Variants in VPS26C observed in about 807,000 individuals in gnomAD.
VPS26C encodes vacuolar protein sorting-associated protein 26C.
Under a neutral mutation model 30.6 loss-of-function variants are expected in VPS26C, and 19 were observed. The ratio of observed to expected loss-of-function variants is 0.62; its 90% CI spans 0.43 to 0.91. The LOEUF is 0.91. VPS26C is among the 40% of genes least tolerant of loss of function. The pLI, the probability that VPS26C is intolerant of heterozygous loss-of-function variation, is 0.00. For synonymous variants in VPS26C, 132 were observed against 151.5 expected (o/e 0.87, Z 0.95); for missense variants, 318 against 385.1 (o/e 0.83, Z 1.46).
intron 3 of VPS26C, among the ~76,000 whole-genome samples, chr21:37,235,862 TATATATATATATA>T (rs2086015975): frequency 9.8e-6 from 1 of 101,690 alleles, no homozygotes; most frequent in African/African-American, 3.6e-5. Context: ...TATATATATA[TATATATATATATA>T]TATATTTTTT....
chr21:37,235,108 G>C (rs552877288), intron 3 of VPS26C, among the ~76,000 whole-genome samples: 2 of 152,078 alleles, frequency 1.3e-5, no homozygotes, highest in African/African-American at 4.8e-5. Flanking sequence ...CTGGGTTCAA[G>C]CAATTCTCCT....
intron 1 of VPS26C, among the ~76,000 whole-genome samples, chr21:37,243,341 G>A (rs898601489): frequency 2.0e-5 from 3 of 152,172 alleles, no homozygotes; most frequent in African/African-American, 4.8e-5. Context: ...CGTATACACC[G>A]AAATCGTGTG....
At chr21:37,230,115 C>T (rs2085946283) in intron 5 of VPS26C, among the ~76,000 whole-genome samples, 1 of 152,220 alleles carries the variant, frequency 6.6e-6, no homozygotes, top group South Asian at 2.1e-4. Context: ...GATCCTCCTG[C>T]CTTGGCCTCC....
At chr21:37,262,073 G>A (rs2086310339) in intron 1 of VPS26C, 1 of 151,876 alleles carries the variant, frequency 6.6e-6, no homozygotes, top group South Asian at 2.1e-4. Context: ...TAAAAAAAAA[G>A]AACATAATAA....
At chr21:37,231,683 G>A (rs946357677) in intron 5 of VPS26C, 2 of 152,778 alleles carry the variant, frequency 1.3e-5, no homozygotes, top group Admixed American at 6.5e-5. Flanking sequence ...CTGTTTAGGA[G>A]AAATGCATGG....
In VPS26C at chr21:37,238,469, G is replaced by T; in HGVS notation, c.342C>A (p.Val114=). ...VLYETYHGVF[V]NIQYTLRCDM... is the part of the protein sequence containing the mutation. ...ACTAGGAAGCTCTCACCTGAATGTT[G>T]ACAAACACGCCATGATACGTCTCAT... Residue 114 remains valine, a synonymous_variant, in exon 3 of 8, where the codon GTC becomes GTA. Transcript: ENST00000309117. 1 of 1,613,946 alleles carries T rather than the reference G, an allele frequency of 6.2e-7. No individual in the cohort carries two copies. The highest frequency in any genetic ancestry group is 1.1e-5 in the South Asian group (1 of 91,044).
chr21:37,228,109 G>T, intron 6 of VPS26C, 114 bp downstream of exon 6: 1 of 1,436,476 alleles, frequency 7.0e-7, no homozygotes. Flanking sequence ...GAGTAGCTGG[G>T]ATTACAGGGG....
rs559159496 is a variant in VPS26C, at chr21:37,238,023, C to A, written c.351+437G>T. ...TAGACAGGAAGTCATAATCCACTTC[C>A]CCTCATTGACAAGGTTTGTTCAGTA... On this transcript the variant is annotated intron_variant, in intron 3 of 7. Transcript: ENST00000309117. Among the ~76,000 whole-genome samples the A allele has an allele frequency of 5.9e-5, 9 of 152,306 alleles. No homozygotes were observed. In the South Asian group the frequency reaches 1.9e-3, roughly 32 times the overall value.
At chr21:37,249,291 ATACCT>A (rs2086168597) in intron 1 of VPS26C, among the ~76,000 whole-genome samples, 1 of 152,224 alleles carries the variant, frequency 6.6e-6, no homozygotes, top group African/African-American at 2.4e-5. Context: ...CAATGAGTGT[ATACCT>A]GAAGAAACCC....
intron 6 of VPS26C, 47 bp from the exon 7 acceptor site, chr21:37,227,853 CG>C (rs10716173): frequency 1 from 1,605,354 of 1,605,386 alleles, 802,661 homozygotes; most frequent in Middle Eastern, 1. Context: ...GCAGAGGCTG[CG>C]GGGTCCACAT....
chr21:37,264,871 T>C (rs1167290159), intron 1 of VPS26C, among the ~76,000 whole-genome samples: 1 of 152,120 alleles, frequency 6.6e-6, no homozygotes. Context: ...AGCGAAAAGG[T>C]AGAAATAACT....
rs1457241800 is a variant in VPS26C, at chr21:37,233,747, C to T, written c.352-305G>A. ...CCACCTGTAGCAGGGAGCAGGCTGGCGAGACAGAAAGGGCAGTGCGCTCAG... is the reference window on the plus strand; with the variant it reads ...CCACCTGTAGCAGGGAGCAGGCTGGTGAGACAGAAAGGGCAGTGCGCTCAG... On this transcript the variant is annotated intron_variant, in intron 3 of 7. Transcript: ENST00000309117. This position sits in a 1 kb window ranked among gnomAD's most constrained non-coding sequence, Gnocchi z 5.2. Among the ~76,000 whole-genome samples, 5 of 152,256 alleles carry T rather than the reference C, an allele frequency of 3.3e-5. No homozygotes were observed. The highest frequency in any genetic ancestry group is 1.5e-5 in the Non-Finnish European group (1 of 68,008).
upstream of VPS26C, chr21:37,267,400 G>T (rs370620632): frequency 3.4e-5 from 34 of 1,011,290 alleles, no homozygotes; most frequent in African/African-American, 2.4e-4. Context: ...CCTCTCTGCC[G>T]GCAGTGGCTC....
At chr21:37,267,471 T>A, upstream of VPS26C, 1 of 603,748 alleles carries the variant, frequency 1.7e-6, no homozygotes, top group Non-Finnish European at 3.0e-6. Flanking sequence ...TGCCCACGCC[T>A]TCCTCCTTCC....
chr21:37,225,366 G>C lies in VPS26C; in HGVS notation c.*178C>G. 1 of 614,702 alleles carries C rather than the reference G, an allele frequency of 1.6e-6. No homozygotes were observed. The highest frequency in any genetic ancestry group is 1.9e-5 in the South Asian group (1 of 52,182). The allele number at this position is 614,702 out of a possible 1,614,324, so 38.1% of individuals were successfully genotyped here. On this transcript the variant is annotated 3_prime_UTR_variant, in exon 8 of 8. Coordinates refer to ENST00000309117, the MANE Select transcript of VPS26C (RefSeq NM_006052.2). ...AAAGGTCTGATTAGAGGTGCCTGTT[G>C]GAAGCAGAAGCCTCAAGAAATGAGG...
chr21:37,228,050 C>T lies in VPS26C; in HGVS notation c.658+173G>A, dbSNP rs749772374. Among the ~76,000 whole-genome samples, 5 of 152,324 alleles carry T rather than the reference C, an allele frequency of 3.3e-5. No individual in the cohort carries two copies. The South Asian group carries it at 1.0e-3, about 32-fold the overall frequency. ...CTGCCCAGGCTGGAGTGCAATGGTG[C>T]GATCTCAGCTCACTGCAGCCTCAAA... On this transcript the variant is annotated intron_variant, in intron 6 of 7. Transcript: ENST00000309117.
intron 1 of VPS26C, chr21:37,261,367 A>G (rs531137323): frequency 6.6e-6 from 1 of 152,164 alleles, no homozygotes; most frequent in Non-Finnish European, 1.5e-5. Context: ...GTCCTGGAGC[A>G]TTCCCCAATG....
chr21:37,245,707 C>G (rs943333876), intron 1 of VPS26C, among the ~76,000 whole-genome samples: 3 of 152,014 alleles, frequency 2.0e-5, no homozygotes, highest in Non-Finnish European at 4.4e-5. Context: ...AATGAATAAA[C>G]GATCATTCAC....
At chr21:37,234,189 G>T (rs1408916236) in intron 3 of VPS26C, among the ~76,000 whole-genome samples, 1 of 152,154 alleles carries the variant, frequency 6.6e-6, no homozygotes, top group Non-Finnish European at 1.5e-5. Flanking sequence ...TTCCACAAGG[G>T]TCAACTCATG....
Sources: gnomAD v4.1 joint callset for allele counts (sites outside exome capture counted in the v4.1 genomes callset) on GRCh38, gnomAD v4.1.1 for gene constraint, Gnocchi (gnomAD v3.1) non-coding constraint, MANE v1.5 for transcripts, NCBI Gene and HGNC (gene_info 2026-07-23, HGNC 2026-07-21) for gene names.